ADAMTS15: variants seen among roughly 807,000 people sequenced by gnomAD.
The protein encoded by ADAMTS15 is ADAM metallopeptidase with thrombospondin type 1 motif 15.
In ADAMTS15, 35 loss-of-function variants were observed where a neutral mutation model predicts 79.1. The ratio of observed to expected loss-of-function variants is 0.44; its 90% CI spans 0.34 to 0.59. The LOEUF is 0.59. Ranked by LOEUF, ADAMTS15 falls within the 20% of genes least tolerant of loss-of-function variation. The probability of loss-of-function intolerance (pLI) is 0.02; values close to 1 mark genes in which losing one functional copy is unlikely to be tolerated. For synonymous variants in ADAMTS15, 616 were observed against 567.3 expected (o/e 1.09, Z -1.22); for missense variants, 1,324 against 1,318.7 (o/e 1.00, Z -0.06).
At chr11:130,460,127 A>G (rs1241599736) in intron 1 of ADAMTS15, among the ~76,000 whole-genome samples, 3 of 152,240 alleles carry the variant, frequency 2.0e-5, no homozygotes, top group Non-Finnish European at 4.4e-5. Flanking sequence ...TGACACATAG[A>G]TACAATAATA....
At chr11:130,470,158 A>ATATACATATATATATATATATATGTG (rs1938403744) in intron 5 of ADAMTS15, among the ~76,000 whole-genome samples, 1 of 50,038 alleles carries the variant, frequency 2.0e-5, no homozygotes, top group Non-Finnish European at 3.8e-5. Flanking sequence ...ATATGTGTAT[A>ATATACATATATATATATATATATGTG]TATATATATA....
chr11:130,464,803 C>CA (rs1938268599), intron 4 of ADAMTS15, among the ~76,000 whole-genome samples: 2 of 151,794 alleles, frequency 1.3e-5, no homozygotes, highest in South Asian at 4.2e-4. Flanking sequence ...CCCATGTCTG[C>CA]AAAAAATACA....
chr11:130,456,925 C>T lies in ADAMTS15; in HGVS notation c.958-4564C>T, dbSNP rs188552266. On this transcript the variant is annotated intron_variant, in intron 1 of 7. Transcript: ENST00000299164. ...CGCTACATGAGAATGCGTATGTCTT[C>T]TGCCACATTAAAAATGTTAAAGTGC... is the stretch of plus-strand genomic sequence containing the variant. Among the ~76,000 whole-genome samples the T allele has an allele frequency of 3.3e-4, 51 of 152,324 alleles. No individual in the cohort carries two copies. The South Asian group carries it at 3.5e-3, about 11-fold the overall frequency.
chr11:130,465,354 C>T (rs946184488), intron 4 of ADAMTS15, among the ~76,000 whole-genome samples: 20 of 152,332 alleles, frequency 1.3e-4, no homozygotes, highest in Non-Finnish European at 1.9e-4. Context: ...CATCCCCTCT[C>T]GCTTGTTAGG....
chr11:130,457,230 CAA>C (rs397816239), intron 1 of ADAMTS15, among the ~76,000 whole-genome samples: 28 of 116,422 alleles, frequency 2.4e-4, no homozygotes, highest in South Asian at 8.6e-4. Context: ...GACTCAGTCT[CAA>C]AAAAAAAAAA....
At position 130,449,251 on chromosome 11, in the gene ADAMTS15, G is replaced by A. The variant is rs750351003; in HGVS notation, c.278G>A (p.Gly93Glu). The change falls in exon 1 of 8, where the codon GGG becomes GAG. Residue 93 changes from glycine to glutamate, a missense_variant. By Grantham distance (98) the Gly-to-Glu change is moderately conservative (BLOSUM62 -2). Transcript: ENST00000299164. The surrounding 1 kb of genome is among the most constrained non-coding windows in gnomAD (Gnocchi z 7.8). ...GGCGTCCCCCTCCAGGGGCTCACCGGGGGCTCTTCAGACCTGCGACGCTGC... is the reference window on the plus strand; with the variant it reads ...GGCGTCCCCCTCCAGGGGCTCACCGAGGGCTCTTCAGACCTGCGACGCTGC... ...HLGVPLQGLTGGSSDLRRCFY... is the reference protein window; with the variant it reads ...HLGVPLQGLTEGSSDLRRCFY... 3 of 1,613,438 alleles carry A rather than the reference G, an allele frequency of 1.9e-6. No individual in the cohort carries two copies. The highest frequency in any genetic ancestry group is 1.1e-5 in the South Asian group (1 of 91,092).
At chr11:130,450,716 A>G (rs569616462) in intron 1 of ADAMTS15, among the ~76,000 whole-genome samples, 15 of 152,278 alleles carry the variant, frequency 9.9e-5, no homozygotes, top group Non-Finnish European at 2.1e-4. Context: ...ATTTTCCTGT[A>G]TCCTTGCTGT....
In ADAMTS15 at chr11:130,462,555, C is replaced by A; in HGVS notation, c.1317C>A (p.Gly439=). 1 of 1,611,644 alleles carries A rather than the reference C, an allele frequency of 6.2e-7. No individual in the cohort carries two copies. The highest frequency in any genetic ancestry group is 8.5e-7 in the Non-Finnish European group (1 of 1,178,448). The change falls in exon 4 of 8, where the codon GGC becomes GGA. Residue 439 remains glycine, a synonymous_variant. Coordinates refer to ENST00000299164, the MANE Select transcript of ADAMTS15 (RefSeq NM_139055.4). This position sits in a 1 kb window ranked among gnomAD's most constrained non-coding sequence, Gnocchi z 4.3. ...KPISLPEDLP[G]ASYTLSQQCE... ...TCTCCCTGCCCGAGGATCTGCCGGG[C>A]GCCAGCTACACCCTGAGCCAGCAGT...
At chr11:130,451,087 G>C (rs1243907401) in intron 1 of ADAMTS15, among the ~76,000 whole-genome samples, 1 of 152,194 alleles carries the variant, frequency 6.6e-6, no homozygotes, top group Non-Finnish European at 1.5e-5. Context: ...AAATTTCTCA[G>C]ATACAGGAGG....
chr11:130,465,372 C>G (rs1302203233), intron 4 of ADAMTS15, among the ~76,000 whole-genome samples: 1 of 152,200 alleles, frequency 6.6e-6, no homozygotes, highest in Middle Eastern at 3.2e-3. Flanking sequence ...AGGGACATCG[C>G]TGATCAATTC....
At position 130,449,810 on chromosome 11, in the gene ADAMTS15, C is replaced by A; in HGVS notation, c.837C>A (p.Pro279=). The A allele has an allele frequency of 6.2e-7, 1 of 1,611,214 alleles. No homozygotes were observed. Among genetic ancestry groups the A allele is most frequent in the South Asian group, 1.1e-5 (1 of 91,078 alleles). Residue 279 remains proline (P), a synonymous_variant, in exon 1 of 8, where the codon CCC becomes CCA. Coordinates refer to ENST00000299164, the MANE Select transcript of ADAMTS15 (RefSeq NM_139055.4). The surrounding 1 kb of genome is among the most constrained non-coding windows in gnomAD (Gnocchi z 7.8). ...VLLLRDRDSG[P]KVTGNAALTL... ...TTCTTAGAGATCGTGACTCCGGGCC[C>A]AAGGTCACCGGCAATGCGGCCCTGA...
At position 130,462,369 on chromosome 11, in the gene ADAMTS15, G is replaced by A. The variant is rs140802759; in HGVS notation, c.1258+115G>A. 524 of 1,482,344 alleles carry A rather than the reference G, an allele frequency of 3.5e-4. 1 individual carries two copies. In the African/African-American group the frequency reaches 6.1e-3, roughly 17 times the overall value. 91.8% of individuals were successfully genotyped at this position (1,482,344 alleles called of 1,614,324 possible). ...GTACATTAGGTGTGTGTGCCCCCTC[G>A]GAGCCGGGCTCTGACATGAGTGCAT... On this transcript the variant is annotated intron_variant, in intron 3 of 7. Transcript: ENST00000299164. The surrounding 1 kb of genome is among the most constrained non-coding windows in gnomAD (Gnocchi z 4.3).
chr11:130,463,765 G>A (rs1289426032), intron 4 of ADAMTS15, among the ~76,000 whole-genome samples: 1 of 152,192 alleles, frequency 6.6e-6, no homozygotes, highest in African/African-American at 2.4e-5. Context: ...TACTGTGGTG[G>A]TCAGAAAAAG....
At chr11:130,452,472 C>G (rs576897293) in intron 1 of ADAMTS15, among the ~76,000 whole-genome samples, 1 of 152,142 alleles carries the variant, frequency 6.6e-6, no homozygotes, top group South Asian at 2.1e-4. Context: ...TTGCATTGGG[C>G]GGCAGGAGCC....
chr11:130,453,640 T>C (rs935813170), intron 1 of ADAMTS15, among the ~76,000 whole-genome samples: 9 of 152,276 alleles, frequency 5.9e-5, no homozygotes, highest in Admixed American at 5.9e-4. Context: ...TTAACCAGGC[T>C]GATCTTGAAC....
chr11:130,464,224 G>T (rs58803926), intron 4 of ADAMTS15, among the ~76,000 whole-genome samples: 81,808 of 151,920 alleles, frequency 0.54, 22,731 homozygotes, highest in African/African-American at 0.66. Flanking sequence ...CAGAGACAAG[G>T]TGAGATAATA....
Position 130,471,301 on chromosome 11 carries a change from A to G in ADAMTS15, c.1996A>G (p.Lys666Glu), listed in dbSNP as rs1408266412. 6.2e-7 allele frequency: 1 copy of G among 1,613,244 alleles called. No individual in the cohort carries two copies. Among genetic ancestry groups the G allele is most frequent in the Admixed American group, 1.7e-5 (1 of 59,686 alleles). ...KAGCDGNLGS[K>E]KRFDKCGVCG... ...TGGCTGTGATGGGAACCTGGGCTCC[A>G]AGAAGAGATTCGACAAGTGTGGGGT... is the stretch of plus-strand genomic sequence containing the variant. Residue 666 changes from lysine to glutamate, a missense_variant, in exon 7 of 8, where the codon AAG becomes GAG. Transcript: ENST00000299164.
intron 2 of ADAMTS15, 148 bp downstream of exon 2, chr11:130,461,769 T>G: frequency 7.7e-7 from 1 of 1,304,276 alleles, no homozygotes; most frequent in Non-Finnish European, 1.0e-6. Flanking sequence ...CTTTGTACTT[T>G]TTCCGATTGC....
intron 4 of ADAMTS15, among the ~76,000 whole-genome samples, chr11:130,467,124 A>G (rs1938317144): frequency 6.6e-6 from 1 of 152,198 alleles, no homozygotes; most frequent in Non-Finnish European, 1.5e-5. Context: ...TTTTTGTTCA[A>G]ATAGGAAGCA....
Sources: gnomAD v4.1 joint callset for allele counts (sites outside exome capture counted in the v4.1 genomes callset) on GRCh38, gnomAD v4.1.1 for gene constraint, Gnocchi (gnomAD v3.1) non-coding constraint, MANE v1.5 for transcripts, NCBI Gene and HGNC (gene_info 2026-07-23, HGNC 2026-07-21) for gene names.